Variants in F13A1 observed in about 807,000 individuals in gnomAD.
F13A1 encodes the protein FSF, A subunit.
Under a neutral mutation model 80.1 loss-of-function variants are expected in F13A1, and 47 were observed. That is an observed-to-expected ratio of 0.59 (90% confidence interval 0.46 to 0.75). The LOEUF is 0.75. F13A1 is among the 30% of genes least tolerant of loss of function. The pLI is 0.00. For synonymous variants in F13A1, 349 were observed against 344.9 expected (o/e 1.01, Z -0.13); for missense variants, 817 against 930.4 (o/e 0.88, Z 1.59).
At position 6,212,433 on chromosome 6, in the gene F13A1, C is replaced by T. The variant is rs182492151; in HGVS notation, c.1112+9600G>A. Among the ~76,000 whole-genome samples, 991 of 152,262 alleles carry T rather than the reference C, an allele frequency of 6.5e-3. 8 individuals carry two copies. The highest frequency in any genetic ancestry group is 0.051 in the Middle Eastern group (15 of 292). On this transcript the variant is annotated intron_variant, in intron 8 of 14. Coordinates refer to ENST00000264870, the MANE Select transcript of F13A1 (RefSeq NM_000129.4). The stretch of plus-strand genomic sequence containing the variant: ...AGCAGGGGCACACTGACACCTCACA[C>T]GGCCGGGTACTCCAACAGATCTGCA...
At chr6:6,193,505 T>C (rs1561650048) in intron 10 of F13A1, among the ~76,000 whole-genome samples, 1 of 152,172 alleles carries the variant, frequency 6.6e-6, no homozygotes, top group Non-Finnish European at 1.5e-5. Flanking sequence ...ACACTTTTCA[T>C]CAACTCAAAC....
At chr6:6,181,888 C>T (rs1583059003) in intron 11 of F13A1, 100 bp downstream of exon 11, 2 of 1,328,976 alleles carry the variant, frequency 1.5e-6, no homozygotes, top group Non-Finnish European at 1.1e-6. Flanking sequence ...CCAAATGCTG[C>T]AAATGCCAGT....
intron 8 of F13A1, among the ~76,000 whole-genome samples, chr6:6,209,776 T>C (rs1055569045): frequency 1.3e-5 from 2 of 152,116 alleles, no homozygotes; most frequent in Non-Finnish European, 2.9e-5. Context: ...ACTCCACTTA[T>C]AGGAAATGAT....
chr6:6,306,465 C>T (rs114374680), intron 2 of F13A1, among the ~76,000 whole-genome samples: 2,401 of 152,342 alleles, frequency 0.016, 34 homozygotes, highest in South Asian at 0.052. Context: ...TGAGATGACA[C>T]GTATGCAAGC....
At chr6:6,166,690 G>T (rs952109629) in intron 13 of F13A1, among the ~76,000 whole-genome samples, 6 of 152,190 alleles carry the variant, frequency 3.9e-5, no homozygotes, top group Non-Finnish European at 8.8e-5. Context: ...GGCCTGAGAA[G>T]TAGGAGCACA....
At chr6:6,220,522 C>T (rs138714502) in intron 8 of F13A1, among the ~76,000 whole-genome samples, 6 of 151,928 alleles carry the variant, frequency 3.9e-5, no homozygotes, top group Non-Finnish European at 8.8e-5. Context: ...TAACTTTGAA[C>T]TGCACTTAGC....
intron 11 of F13A1, among the ~76,000 whole-genome samples, chr6:6,178,051 G>C (rs1022820332): frequency 0.097 from 12,982 of 133,810 alleles, 747 homozygotes; most frequent in Middle Eastern, 0.14. Context: ...GAGAGGGGGG[G>C]GGGGGTGGGG....
chr6:6,173,404 C>CTT lies in F13A1; in HGVS notation c.1747+1174_1747+1175dup, dbSNP rs1401906503. Among the ~76,000 whole-genome samples the CTT allele has an allele frequency of 3.9e-3, 565 of 144,044 alleles. 15 individuals carry two copies. The highest frequency in any genetic ancestry group is 9.5e-3 in the African/African-American group (363 of 38,052). 94.5% of individuals were successfully genotyped at this position (144,044 alleles called of 152,430 possible). ...CACAGCTTTGTTTCCAGCCTCCATTCTTTTCTTTTTTTTTTTTTTTTGAGA... is the reference window on the plus strand; with the variant it reads ...CACAGCTTTGTTTCCAGCCTCCATTCTTTTTTCTTTTTTTTTTTTTTTTGAGA... On this transcript the variant is annotated intron_variant, in intron 12 of 14. Transcript: ENST00000264870.
chr6:6,219,845 G>A (rs1757166018), intron 8 of F13A1, among the ~76,000 whole-genome samples: 1 of 152,218 alleles, frequency 6.6e-6, no homozygotes, highest in Admixed American at 6.5e-5. Flanking sequence ...CCGCTTTGAT[G>A]TACTTGGGTT....
intron 2 of F13A1, among the ~76,000 whole-genome samples, chr6:6,314,302 T>C (rs1394880379): frequency 6.6e-6 from 1 of 152,128 alleles, no homozygotes; most frequent in African/African-American, 2.4e-5. Context: ...TTGTAAAGCA[T>C]AATTCTGATT....
At chr6:6,161,984 C>G (rs952617862) in intron 13 of F13A1, among the ~76,000 whole-genome samples, 2 of 151,834 alleles carry the variant, frequency 1.3e-5, no homozygotes, top group Non-Finnish European at 2.9e-5. Context: ...TGGAAACTAG[C>G]TTTTAGGAAA....
At chr6:6,307,221 G>T (rs985710322) in intron 2 of F13A1, among the ~76,000 whole-genome samples, 1 of 152,104 alleles carries the variant, frequency 6.6e-6, no homozygotes, top group African/African-American at 2.4e-5. Flanking sequence ...TTCACAGGGC[G>T]TGGTGCTCCC....
At chr6:6,305,150 C>A in intron 3 of F13A1, 1 of 648,340 alleles carries the variant, frequency 1.5e-6, no homozygotes, top group East Asian at 2.8e-5. Context: ...GAGATTTTCT[C>A]CTTGGGTGGG....
chr6:6,266,166 G>A (rs1252992077), intron 4 of F13A1, among the ~76,000 whole-genome samples: 1 of 152,132 alleles, frequency 6.6e-6, no homozygotes, highest in African/African-American at 2.4e-5. Context: ...ATGTAGGAGA[G>A]GCATATGTAT....
chr6:6,208,719 A>T (rs1261047148), intron 8 of F13A1, among the ~76,000 whole-genome samples: 1 of 152,136 alleles, frequency 6.6e-6, no homozygotes, highest in Admixed American at 6.5e-5. Context: ...TAAAAAAATA[A>T]TTTACCATGT....
At chr6:6,150,307 G>A (rs570309310) in intron 14 of F13A1, among the ~76,000 whole-genome samples, 11 of 152,228 alleles carry the variant, frequency 7.2e-5, no homozygotes, top group African/African-American at 2.6e-4. Context: ...ACGAAAGCAG[G>A]GGTATGGCTG....
chr6:6,302,597 A>G (rs767986599), intron 3 of F13A1, among the ~76,000 whole-genome samples: 95 of 152,310 alleles, frequency 6.2e-4, no homozygotes, highest in Non-Finnish European at 7.8e-4. Context: ...AACGTGCAGG[A>G]CCAGAAGTAG....
chr6:6,318,399 A>T, intron 2 of F13A1, 136 bp downstream of exon 2: 1 of 1,176,518 alleles, frequency 8.5e-7, no homozygotes, highest in Non-Finnish European at 1.2e-6. Context: ...CTTCCTTTAT[A>T]AAACCAGAGA....
chr6:6,234,970 C>G (rs77319757), intron 6 of F13A1, among the ~76,000 whole-genome samples: 54 of 151,960 alleles, frequency 3.6e-4, no homozygotes, highest in African/African-American at 1.3e-3. Flanking sequence ...ATAGAGAACA[C>G]AGAAATAGAC....
Sources: allele counts gnomAD v4.1 joint callset (sites outside exome capture counted in the v4.1 genomes callset), GRCh38; gene constraint gnomAD v4.1.1; transcripts MANE v1.5; gene names NCBI Gene and HGNC (gene_info 2026-07-23, HGNC 2026-07-21).